The following SYNPO2 variants were observed in gnomAD, a reference collection of about 807,000 sequenced individuals.
SYNPO2 encodes synaptopodin 2.
SYNPO2 carries 56 observed loss-of-function variants against 85.0 expected under a neutral mutation model. The observed-to-expected ratio is 0.66, with a 90% CI of 0.53 to 0.82. The LOEUF is 0.82. Among genes scored for constraint, SYNPO2 ranks in the 40% least tolerant of loss-of-function variants. The pLI is 0.00. For missense variants in SYNPO2, 1,575 were observed against 1,534.2 expected (o/e 1.03, Z -0.44); for synonymous variants, 602 against 591.1 (o/e 1.02, Z -0.27).
intron 1 of SYNPO2, among the ~76,000 whole-genome samples, chr4:118,954,541 A>G (rs962330205): frequency 4.6e-5 from 7 of 152,346 alleles, no homozygotes; most frequent in Admixed American, 4.6e-4. Flanking sequence ...TCTGCTGCCC[A>G]TGCTGAAGCC....
At chr4:119,035,413 A>G (rs1295672926) in intron 4 of SYNPO2, 9 of 985,416 alleles carry the variant, frequency 9.1e-6, no homozygotes, top group Non-Finnish European at 1.1e-5. Context: ...ATCTTAGAAT[A>G]TTTATCATTT....
intron 1 of SYNPO2, among the ~76,000 whole-genome samples, chr4:118,982,907 G>T (rs1736085255): frequency 6.6e-6 from 1 of 152,148 alleles, no homozygotes. Flanking sequence ...GACTGTGGTT[G>T]TGGGGGAGAA....
At chr4:119,027,522 G>A in intron 3 of SYNPO2, 84 bp downstream of exon 3, 3 of 1,274,086 alleles carry the variant, frequency 2.4e-6, no homozygotes, top group Non-Finnish European at 1.0e-6. Context: ...TTTTCAGCAA[G>A]ATTTTTCTTA....
rs369093612 is a variant in SYNPO2 at position 119,023,540 on chromosome 4, C to T, written c.216C>T (p.Leu72=). Residue 72 remains leucine (L), a synonymous_variant, in exon 2 of 5, where the codon CTC becomes CTT. Coordinates refer to ENST00000307142, the MANE Select transcript of SYNPO2 (RefSeq NM_133477.3). ...ADLTYPEVIK[L]MESITDSLQM... ...TCACCTACCCTGAAGTCATCAAGCT[C>T]ATGGAAAGCATAACAGACTCTCTCC... The T allele has an allele frequency of 2.0e-4, 318 of 1,613,380 alleles. 1 individual carries two copies. Among genetic ancestry groups the T allele is most frequent in the Admixed American group, 4.2e-4 (25 of 59,962 alleles).
At position 119,058,095 on chromosome 4, in the gene SYNPO2, TG is replaced by T. The variant is rs1739275562; in HGVS notation, c.*162del. ...GTGTTTCTGTGTGTGTGTGTGTGTG[TG>T]TATGTATGTGAATATACACACACAC... On this transcript the variant is annotated 3_prime_UTR_variant, in exon 5 of 5. Coordinates refer to ENST00000307142, the MANE Select transcript of SYNPO2 (RefSeq NM_133477.3). 11 of 639,372 alleles carry T rather than the reference TG, an allele frequency of 1.7e-5. No homozygotes were observed. The South Asian group carries it at 2.1e-4, about 12-fold the overall frequency. 39.6% of individuals were successfully genotyped at this position (639,372 alleles called of 1,614,324 possible).
intron 1 of SYNPO2, among the ~76,000 whole-genome samples, chr4:118,882,563 T>C (rs1405940432): frequency 2.6e-5 from 4 of 152,188 alleles, no homozygotes; most frequent in Admixed American, 6.5e-5. Flanking sequence ...CTAATATGTT[T>C]ATTTATCTCA....
rs200802777 is a variant in SYNPO2, at chr4:118,901,262, G to GA, written c.105+12127dup. Among the ~76,000 whole-genome samples the GA allele has an allele frequency of 5.0e-3, 760 of 152,154 alleles. 9 individuals are homozygous for GA. Among genetic ancestry groups the GA allele is most frequent in the Middle Eastern group, 0.02 (6 of 294 alleles). On this transcript the variant is annotated intron_variant, in intron 1 of 4. Coordinates refer to ENST00000307142, the MANE Select transcript of SYNPO2 (RefSeq NM_133477.3). ...GTATTGCCTGACTTCAACCCTTGTT[G>GA]AAAAAACAAATCCAGAAGTTTCTGC... is the stretch of plus-strand genomic sequence containing the variant.
rs34644748 is a variant in SYNPO2, at chr4:118,860,552, C to CT, written c.12+9621dup. Among the ~76,000 whole-genome samples the CT allele has an allele frequency of 1.7e-3, 197 of 114,146 alleles. 10 individuals carry two copies. The highest frequency in any genetic ancestry group is 2.3e-3 in the Non-Finnish European group (136 of 57,924). The allele number at this position is 114,146 out of a possible 152,430, so 74.9% of individuals were successfully genotyped here. ...AGCCACACTGCCTGGCCTCTTTTGC[C>CT]TTTTTTTTTGTTTTTTTTTTTTGAG... On this transcript the variant is annotated intron_variant, in intron 1 of 4. Transcript: ENST00000610556.
In SYNPO2 at chr4:118,952,823, A is replaced by C. The variant is rs527385866; in HGVS notation, c.105+63682A>C. ...TTATTAAGAGCTTTATGCATCAGAC[A>C]GTGTGCTGGTGCTTTACAAAACTTT... On this transcript the variant is annotated intron_variant, in intron 1 of 4. Coordinates refer to ENST00000307142, the MANE Select transcript of SYNPO2 (RefSeq NM_133477.3). Among the ~76,000 whole-genome samples, 4 of 152,272 alleles carry C rather than the reference A, an allele frequency of 2.6e-5. No individual in the cohort carries two copies. In the East Asian group the frequency reaches 7.7e-4, roughly 29 times the overall value.
Position 119,031,961 on chromosome 4 carries a change from CTCA to C in SYNPO2, c.3192_3194del (p.Ser1065del). ...CCACCTCGCCAAAGCAAGAATCAGC[CTCA>C]TCATCTTATTTTGTGGCACCAAGGC... is the stretch of plus-strand genomic sequence containing the variant. On this transcript the variant is annotated inframe_deletion, in exon 4 of 5. Transcript: ENST00000307142. 6.2e-7 allele frequency: 1 copy of C among 1,614,244 alleles called. No homozygotes were observed. Among genetic ancestry groups the C allele is most frequent in the Non-Finnish European group, 8.5e-7 (1 of 1,180,050 alleles).
chr4:119,032,708 C>A (rs1364195499), intron 4 of SYNPO2: 3 of 963,242 alleles, frequency 3.1e-6, no homozygotes, highest in Admixed American at 1.2e-4. Flanking sequence ...TATATAAACT[C>A]ATTTCAGAAA....
intron 1 of SYNPO2, among the ~76,000 whole-genome samples, chr4:118,966,261 TC>T (rs1735314276): frequency 6.6e-6 from 1 of 152,216 alleles, no homozygotes; most frequent in Admixed American, 6.5e-5. Context: ...AAGGCATTCA[TC>T]ATCGCTCCCT....
chr4:118,986,334 C>T (rs1423699648), intron 1 of SYNPO2, among the ~76,000 whole-genome samples: 1 of 152,118 alleles, frequency 6.6e-6, no homozygotes, highest in East Asian at 1.9e-4. Context: ...CCAGTTAAGA[C>T]TTGCTTTTTT....
upstream of SYNPO2, among the ~76,000 whole-genome samples, chr4:118,884,561 A>G (rs1228291779): frequency 1.3e-5 from 2 of 152,184 alleles, no homozygotes; most frequent in African/African-American, 4.8e-5. Flanking sequence ...GATCAATTCT[A>G]CCTAAACCAA....
chr4:119,046,274 G>A (rs531249401), intron 4 of SYNPO2, among the ~76,000 whole-genome samples: 2 of 152,194 alleles, frequency 1.3e-5, no homozygotes, highest in South Asian at 2.1e-4. Context: ...TGGTCTTCTC[G>A]ACCTTAAACT....
At position 118,898,356 on chromosome 4, in the gene SYNPO2, C is replaced by T. The variant is rs1017063544; in HGVS notation, c.105+9215C>T. On this transcript the variant is annotated intron_variant, in intron 1 of 4. Coordinates refer to ENST00000307142, the MANE Select transcript of SYNPO2 (RefSeq NM_133477.3). ...TTGTCTCTTAGATAATTATATTGGC[C>T]CTGTAACTGGTCTCCTTGTTTCTGG... is the stretch of plus-strand genomic sequence containing the variant. 2.2e-4 allele frequency among the ~76,000 whole-genome samples: 33 copies of T among 152,148 alleles called. No homozygotes were observed. The East Asian group carries it at 2.7e-3, about 12-fold the overall frequency.
Position 118,888,979 on chromosome 4 carries a change from G to A in SYNPO2, c.-58G>A. The A allele has an allele frequency of 1.9e-6, 3 of 1,557,632 alleles. No homozygotes were observed. Among genetic ancestry groups the A allele is most frequent in the Non-Finnish European group, 2.7e-6 (3 of 1,130,784 alleles). On this transcript the variant is annotated 5_prime_UTR_variant, in exon 1 of 5. Coordinates refer to ENST00000307142, the MANE Select transcript of SYNPO2 (RefSeq NM_133477.3). ...CGAAGCTGAGTGCGCATCCTCTACC[G>A]CACCCAAGCTTCGTCTGTCTCGTCA...
intron 1 of SYNPO2, among the ~76,000 whole-genome samples, chr4:118,996,536 T>C (rs561286008): frequency 6.6e-6 from 1 of 152,246 alleles, no homozygotes; most frequent in South Asian, 2.1e-4. Flanking sequence ...GATACACTTT[T>C]GTACAATAAA....
intron 1 of SYNPO2, among the ~76,000 whole-genome samples, chr4:118,975,983 T>G (rs895034268): frequency 6.6e-6 from 1 of 152,368 alleles, no homozygotes; most frequent in Non-Finnish European, 1.5e-5. Context: ...GTGCCGGCTA[T>G]GGAGACTGCC....
Sources: allele counts gnomAD v4.1 joint callset (sites outside exome capture counted in the v4.1 genomes callset), GRCh38; gene constraint gnomAD v4.1.1; transcripts MANE v1.5; gene names NCBI Gene and HGNC (gene_info 2026-07-23, HGNC 2026-07-21).